The following LGSN variants were observed in gnomAD, a reference collection of about 807,000 sequenced individuals.
LGSN encodes lengsin, lens protein with glutamine synthetase domain, also known as lengsin.
In LGSN, 21 loss-of-function variants were observed where a neutral mutation model predicts 19.5. The observed-to-expected ratio is 1.07, with a 90% CI of 0.76 to 1.55. The LOEUF is 1.55. Ranked by LOEUF, LGSN falls within the 40% of genes most tolerant of loss-of-function variation. The pLI is 0.00. For synonymous variants in LGSN, 257 were observed against 215.6 expected (o/e 1.19, Z -1.68); for missense variants, 673 against 608.5 (o/e 1.11, Z -1.12).
the LGSN span, among the ~76,000 whole-genome samples, chr6:63,555,641 C>T: frequency 6.6e-6 from 1 of 151,500 alleles, no homozygotes; most frequent in Admixed American, 6.6e-5. Context: ...TCCACTCTGT[C>T]TAGCAATGGT....
the LGSN span, among the ~76,000 whole-genome samples, chr6:63,366,496 T>A: frequency 6.6e-6 from 1 of 152,204 alleles, no homozygotes. Flanking sequence ...ATCTGTATCA[T>A]GAAAATGGCC....
Position 63,276,463 on chromosome 6 carries a change from T to G in LGSN, c.*3558A>C, listed in dbSNP as rs1216805694. On this transcript the variant is annotated 3_prime_UTR_variant, in exon 4 of 4. Coordinates refer to ENST00000370657, the MANE Select transcript of LGSN (RefSeq NM_016571.3). ...TTTACATTTCTTATGTATACTCATT[T>G]AATTACCAACTTTAAATTCAGTAAT... 1 of 152,244 alleles carries G rather than the reference T, an allele frequency of 6.6e-6. No individual in the cohort carries two copies. Among genetic ancestry groups the G allele is most frequent in the East Asian group, 1.9e-4 (1 of 5,206 alleles). The allele number at this position is 152,244 out of a possible 1,614,324, so 9.4% of individuals were successfully genotyped here.
the LGSN span, among the ~76,000 whole-genome samples, chr6:63,332,480 T>C: frequency 1.3e-5 from 2 of 152,112 alleles, no homozygotes; most frequent in African/African-American, 4.8e-5. Flanking sequence ...CAGAGCTGCA[T>C]GGCTTTCCTC....
chr6:63,400,609 T>A, the LGSN span, among the ~76,000 whole-genome samples: 1 of 152,370 alleles, frequency 6.6e-6, no homozygotes, highest in Admixed American at 6.5e-5. Context: ...AAGGTAATGA[T>A]ACTGTGTTTT....
the LGSN span, among the ~76,000 whole-genome samples, chr6:63,413,965 A>G: frequency 1.3e-5 from 2 of 152,296 alleles, no homozygotes; most frequent in East Asian, 3.9e-4. Context: ...ATTCATTATT[A>G]TATTCACCAA....
chr6:63,548,699 AG>A, the LGSN span: 2 of 589,938 alleles, frequency 3.4e-6, no homozygotes, highest in Non-Finnish European at 6.1e-6. Flanking sequence ...AAAACTCAAC[AG>A]TGTACATTTA....
intron 1 of LGSN, among the ~76,000 whole-genome samples, chr6:63,307,588 A>T (rs1036038562): frequency 2.0e-5 from 3 of 152,230 alleles, no homozygotes; most frequent in African/African-American, 7.2e-5. Flanking sequence ...ACTGTTTACC[A>T]ATCAGTTTAG....
At chr6:63,507,220 C>T in the LGSN span, among the ~76,000 whole-genome samples, 10 of 152,194 alleles carry the variant, frequency 6.6e-5, no homozygotes, top group Non-Finnish European at 1.3e-4. Context: ...TCCACTATCG[C>T]TAATGTACTG....
the LGSN span, among the ~76,000 whole-genome samples, chr6:63,475,982 C>T: frequency 6.6e-6 from 1 of 152,118 alleles, no homozygotes; most frequent in South Asian, 2.1e-4. Context: ...AGTACTGACC[C>T]CTTCTGTCTA....
At chr6:63,366,041 C>T in the LGSN span, among the ~76,000 whole-genome samples, 2 of 152,108 alleles carry the variant, frequency 1.3e-5, no homozygotes, top group Non-Finnish European at 2.9e-5. Context: ...GACAGGGATG[C>T]CCTCTCTCAC....
At chr6:63,536,737 A>G in the LGSN span, among the ~76,000 whole-genome samples, 3 of 152,214 alleles carry the variant, frequency 2.0e-5, no homozygotes, top group Non-Finnish European at 4.4e-5. Context: ...TATCACTACA[A>G]GAAAAAGCAG....
At chr6:63,491,263 T>G in the LGSN span, among the ~76,000 whole-genome samples, 1 of 152,210 alleles carries the variant, frequency 6.6e-6, no homozygotes, top group Non-Finnish European at 1.5e-5. Flanking sequence ...TAAGTCAGTG[T>G]GCTCCCTGCC....
chr6:63,418,497 G>A, the LGSN span, among the ~76,000 whole-genome samples: 2 of 152,172 alleles, frequency 1.3e-5, no homozygotes, highest in Non-Finnish European at 2.9e-5. Flanking sequence ...GGAGGCGGAG[G>A]TTGCAGTGAG....
the LGSN span, among the ~76,000 whole-genome samples, chr6:63,558,316 G>A: frequency 1.3e-5 from 2 of 152,080 alleles, no homozygotes; most frequent in Non-Finnish European, 1.5e-5. Context: ...AAGCAGGGAA[G>A]GAAAGAAGGA....
the LGSN span, among the ~76,000 whole-genome samples, chr6:63,345,609 C>A: frequency 6.6e-6 from 1 of 152,110 alleles, no homozygotes; most frequent in Admixed American, 6.5e-5. Context: ...CGATAGGTAG[C>A]AGATATCATG....
the LGSN span, among the ~76,000 whole-genome samples, chr6:63,510,043 C>T: frequency 2.6e-5 from 4 of 152,236 alleles, no homozygotes; most frequent in East Asian, 1.9e-4. Flanking sequence ...AATAAAGCTT[C>T]GGTTAAAATT....
intron 2 of LGSN, among the ~76,000 whole-genome samples, chr6:63,288,638 G>A (rs1416162336): frequency 2.0e-5 from 3 of 152,130 alleles, no homozygotes; most frequent in Non-Finnish European, 2.9e-5. Context: ...CCAGACAGGC[G>A]GCTTACACAG....
chr6:63,335,314 A>C, the LGSN span, among the ~76,000 whole-genome samples: 2 of 152,250 alleles, frequency 1.3e-5, no homozygotes, highest in Non-Finnish European at 2.9e-5. Flanking sequence ...TGAAACTATA[A>C]AACTACTTGA....
At chr6:63,327,708 A>C in the LGSN span, among the ~76,000 whole-genome samples, 1 of 152,124 alleles carries the variant, frequency 6.6e-6, no homozygotes, top group Non-Finnish European at 1.5e-5. Context: ...CTTTTAAAGG[A>C]ATAGGGTACA....
Sources: gnomAD v4.1 joint callset for allele counts (sites outside exome capture counted in the v4.1 genomes callset) on GRCh38, gnomAD v4.1.1 for gene constraint, MANE v1.5 for transcripts, NCBI Gene and HGNC (gene_info 2026-07-23, HGNC 2026-07-21) for gene names.